GABRG3: variants seen among roughly 807,000 people sequenced by gnomAD.
GABRG3 encodes the protein gamma-aminobutyric acid type A receptor subunit gamma3.
A neutral mutation model predicts 48.8 loss-of-function variants in GABRG3; 25 were observed. That is an observed-to-expected ratio of 0.51 (90% CI 0.37 to 0.72). The LOEUF (loss-of-function observed/expected upper bound fraction) is 0.72, where lower values mean the gene tolerates loss of function less well. Among genes scored for constraint, GABRG3 ranks in the 30% least tolerant of loss-of-function variants. The pLI is 0.00. For synonymous variants in GABRG3, 227 were observed against 217.6 expected (o/e 1.04, Z -0.38); for missense variants, 394 against 577.9 (o/e 0.68, Z 3.26).
intron 6 of GABRG3, among the ~76,000 whole-genome samples, chr15:27,492,312 C>T (rs1890375223): frequency 6.6e-6 from 1 of 152,190 alleles, no homozygotes; most frequent in South Asian, 2.1e-4. Context: ...AATAAAGTCA[C>T]AGATAAAAGG....
rs1396730219 is a variant in GABRG3, at chr15:27,541,169, A to G, written c.*8288A>G. ...GCCTGCCTCCTTTGGAGAGCCCTTG[A>G]GCATCACTGTTGTGACCGGGGTGCA... is the stretch of plus-strand genomic sequence containing the variant. On this transcript the variant is annotated 3_prime_UTR_variant, in exon 10 of 10. Coordinates refer to ENST00000615808, the MANE Select transcript of GABRG3 (RefSeq NM_033223.5). 1 of 152,232 alleles carries G rather than the reference A, an allele frequency of 6.6e-6. No homozygotes were observed. The highest frequency in any genetic ancestry group is 2.4e-5 in the African/African-American group (1 of 41,452). 9.4% of individuals were successfully genotyped at this position (152,232 alleles called of 1,614,324 possible).
At chr15:27,140,973 G>A (rs150046294) in intron 3 of GABRG3, among the ~76,000 whole-genome samples, 61 of 152,104 alleles carry the variant, frequency 4.0e-4, no homozygotes, top group East Asian at 2.3e-3. Flanking sequence ...ATATTTTCTC[G>A]CGGTAGAGTC....
In GABRG3 at chr15:27,241,371, G is replaced by A. The variant is rs779591728; in HGVS notation, c.271-85438G>A. On this transcript the variant is annotated intron_variant, in intron 3 of 9. Transcript: ENST00000615808. The stretch of plus-strand genomic sequence containing the variant: ...TTTTAATTGACCAAGTTTAGACATT[G>A]GGCAACAGTTTCTAGAACTGTTATA... Among the ~76,000 whole-genome samples the A allele has an allele frequency of 3.9e-5, 6 of 152,128 alleles. No homozygotes were observed. In the South Asian group the frequency reaches 1.0e-3, roughly 26 times the overall value.
intron 5 of GABRG3, among the ~76,000 whole-genome samples, chr15:27,411,491 T>TAC: frequency 6.6e-6 from 1 of 152,322 alleles, no homozygotes; most frequent in South Asian, 2.1e-4. Flanking sequence ...CTTCCTTGCA[T>TAC]TACTGAGATC....
intron 5 of GABRG3, among the ~76,000 whole-genome samples, chr15:27,367,125 C>T (rs1895232932): frequency 6.6e-6 from 1 of 152,272 alleles, no homozygotes; most frequent in African/African-American, 2.4e-5. Flanking sequence ...GGACCCACTG[C>T]CCTGGGATTC....
At chr15:27,383,125 G>A (rs756734929) in intron 5 of GABRG3, among the ~76,000 whole-genome samples, 5 of 152,140 alleles carry the variant, frequency 3.3e-5, no homozygotes, top group Admixed American at 1.3e-4. Context: ...CCGGGACTCC[G>A]TGAGCTGTGC....
At chr15:27,048,183 C>T (rs1338065058) in intron 3 of GABRG3, among the ~76,000 whole-genome samples, 2 of 151,998 alleles carry the variant, frequency 1.3e-5, no homozygotes, top group African/African-American at 2.4e-5. Flanking sequence ...ACCCCACTGC[C>T]CTGGGAGCAG....
At chr15:27,288,527 A>G (rs1158884835) in intron 3 of GABRG3, among the ~76,000 whole-genome samples, 1 of 151,924 alleles carries the variant, frequency 6.6e-6, no homozygotes, top group South Asian at 2.1e-4. Flanking sequence ...ATGCTCCTCT[A>G]AGAATCTAAT....
At chr15:27,080,098 T>C (rs1896968041) in intron 3 of GABRG3, among the ~76,000 whole-genome samples, 1 of 152,060 alleles carries the variant, frequency 6.6e-6, no homozygotes. Flanking sequence ...GCGTCCTCTC[T>C]AAGGTTGCCT....
intron 1 of GABRG3, among the ~76,000 whole-genome samples, chr15:26,972,573 C>T (rs1222624813): frequency 6.6e-6 from 1 of 152,152 alleles, no homozygotes; most frequent in African/African-American, 2.4e-5. Context: ...CCCAAACCCT[C>T]TTGTTTTGAC....
chr15:27,253,041 C>T (rs931825896), intron 3 of GABRG3, among the ~76,000 whole-genome samples: 8 of 152,330 alleles, frequency 5.3e-5, no homozygotes, highest in Middle Eastern at 3.4e-3. Context: ...GCGCCTTGCA[C>T]GTTTAGACAC....
At chr15:27,440,261 C>T (rs1026912539) in intron 5 of GABRG3, among the ~76,000 whole-genome samples, 4 of 152,172 alleles carry the variant, frequency 2.6e-5, no homozygotes, top group African/African-American at 7.2e-5. Flanking sequence ...AAACCAGCTG[C>T]GGAGGATATT....
At chr15:27,394,143 A>G (rs1252467929) in intron 5 of GABRG3, among the ~76,000 whole-genome samples, 1 of 152,118 alleles carries the variant, frequency 6.6e-6, no homozygotes, top group Non-Finnish European at 1.5e-5. Flanking sequence ...TGTTTTCTGT[A>G]TGTCTTAGGT....
chr15:27,019,023 C>T (rs532480637), intron 2 of GABRG3, among the ~76,000 whole-genome samples: 24 of 137,778 alleles, frequency 1.7e-4, no homozygotes, highest in Admixed American at 1.4e-3. Context: ...AAAAACAGTA[C>T]TAATCCCATT....
intron 3 of GABRG3, among the ~76,000 whole-genome samples, chr15:27,166,539 C>G (rs1887377693): frequency 6.6e-6 from 1 of 152,094 alleles, no homozygotes; most frequent in African/African-American, 2.4e-5. Flanking sequence ...GCCTGCGCCC[C>G]TGGCTTGGCC....
chr15:27,378,960 CTTTTA>C (rs1895683503), intron 5 of GABRG3, among the ~76,000 whole-genome samples: 1 of 152,120 alleles, frequency 6.6e-6, no homozygotes, highest in African/African-American at 2.4e-5. Context: ...GAGAAGTGCT[CTTTTA>C]TTTTGTCTCC....
chr15:27,410,837 C>T (rs369971832), intron 5 of GABRG3, among the ~76,000 whole-genome samples: 8,658 of 138,192 alleles, frequency 0.063, 275 homozygotes, highest in Middle Eastern at 0.15. Flanking sequence ...AGCACACGTG[C>T]GCACGCTCGT....
At chr15:27,434,110 G>T (rs1888537661) in intron 5 of GABRG3, among the ~76,000 whole-genome samples, 1 of 152,156 alleles carries the variant, frequency 6.6e-6, no homozygotes, top group African/African-American at 2.4e-5. Flanking sequence ...CTGATTTCTG[G>T]CTTCACTAAA....
rs137877743 is a variant in GABRG3 at position 27,516,399 on chromosome 15, G to A, written c.713-3573G>A. ...TACTTCCTTTGGTGTTTCCAAGCCA[G>A]ATTACCTCTGTTATTCCTACCCGTC... On this transcript the variant is annotated intron_variant, in intron 6 of 9. Transcript: ENST00000615808. 2.1e-3 allele frequency among the ~76,000 whole-genome samples: 320 copies of A among 152,266 alleles called. 1 individual carries two copies. The highest frequency in any genetic ancestry group is 6.5e-3 in the African/African-American group (272 of 41,552).
Sources: allele counts gnomAD v4.1 joint callset (sites outside exome capture counted in the v4.1 genomes callset), GRCh38; gene constraint gnomAD v4.1.1; transcripts MANE v1.5; gene names NCBI Gene and HGNC (gene_info 2026-07-23, HGNC 2026-07-21).